The following MLF1 variants were observed in gnomAD, a reference collection of about 807,000 sequenced individuals.
MLF1 encodes the protein myeloid leukemia factor 1.
MLF1 carries 37 observed loss-of-function variants against 38.3 expected under a neutral mutation model. That is an observed-to-expected ratio of 0.96 (90% CI 0.74 to 1.27). The LOEUF is 1.27. Ranked by LOEUF, MLF1 falls within the 50% of genes most tolerant of loss-of-function variation. MLF1 has a pLI of 0.00. For missense variants in MLF1, 331 were observed against 349.2 expected, an observed-to-expected ratio of 0.95 and a Z score of 0.42; for synonymous variants, 95 against 106.5, an observed-to-expected ratio of 0.89 and a Z score of 0.66.
chr3:158,599,578 C>T (rs1041728371), intron 5 of MLF1, among the ~76,000 whole-genome samples: 1 of 152,110 alleles, frequency 6.6e-6, no homozygotes, highest in African/African-American at 2.4e-5. Context: ...ATGTTAGTTG[C>T]TATCAGAAAT....
chr3:158,583,177 G>A (rs1487000724), intron 1 of MLF1, among the ~76,000 whole-genome samples: 4 of 152,008 alleles, frequency 2.6e-5, no homozygotes, highest in African/African-American at 7.2e-5. Context: ...TGTATATGAC[G>A]GGAAGAATTT....
chr3:158,597,898 T>G (rs1719125978), intron 4 of MLF1, among the ~76,000 whole-genome samples, 182 bp from the exon 5 acceptor site: 1 of 152,160 alleles, frequency 6.6e-6, no homozygotes, highest in Admixed American at 6.5e-5. Flanking sequence ...TGACTTTTTT[T>G]GGGCGGAGGT....
chr3:158,574,691 A>T (rs1343977739), intron 1 of MLF1, among the ~76,000 whole-genome samples: 3 of 151,496 alleles, frequency 2.0e-5, no homozygotes, highest in Non-Finnish European at 4.4e-5. Context: ...TCTCAAAAAA[A>T]AAAAAAAAAA....
At chr3:158,593,807 A>G (rs1317750551) in intron 3 of MLF1, among the ~76,000 whole-genome samples, 3 of 104,392 alleles carry the variant, frequency 2.9e-5, no homozygotes, top group Non-Finnish European at 6.0e-5. Flanking sequence ...CAACGTTTGG[A>G]AAAGCACAGA....
intron 1 of MLF1, chr3:158,590,686 A>C: frequency 2.4e-6 from 1 of 416,918 alleles, no homozygotes; most frequent in Non-Finnish European, 4.7e-6. Flanking sequence ...AGAAGACCAA[A>C]CTATAATGAC....
At chr3:158,590,484 G>A (rs192338263) in intron 1 of MLF1, among the ~76,000 whole-genome samples, 68 of 152,240 alleles carry the variant, frequency 4.5e-4, no homozygotes, top group African/African-American at 1.5e-3. Context: ...ATTCATAGTA[G>A]CTTTATTCAT....
chr3:158,603,134 T>C (rs2248924), intron 7 of MLF1, among the ~76,000 whole-genome samples, 195 bp downstream of exon 7: 50,252 of 152,122 alleles, frequency 0.33, 8,863 homozygotes, highest in East Asian at 0.66. Context: ...AAATCAATAA[T>C]AGTTTAGGAT....
rs773373270 is a variant in MLF1, at chr3:158,600,092, C to A, written c.532C>A (p.Arg178=). The A allele has an allele frequency of 2.7e-6, 4 of 1,485,270 alleles. No homozygotes were observed. The highest frequency in any genetic ancestry group is 2.6e-5 in the East Asian group (1 of 38,936). The allele number at this position is 1,485,270 out of a possible 1,614,324, so 92.0% of individuals were successfully genotyped here. ...GGCTATTGGTCATCATATCCATGACCGAGCTCATGTCATTAAAAAGTCAAA... is the reference window on the plus strand; with the variant it reads ...GGCTATTGGTCATCATATCCATGACAGAGCTCATGTCATTAAAAAGTCAAA... ...KMAIGHHIHD[R]AHVIKKSKNK... The change falls in exon 6 of 8, where the codon CGA becomes AGA. Residue 178 remains arginine (R), a synonymous_variant. Transcript: ENST00000466246.
chr3:158,589,672 A>G (rs1560104212), intron 1 of MLF1, among the ~76,000 whole-genome samples: 1 of 152,180 alleles, frequency 6.6e-6, no homozygotes, highest in Non-Finnish European at 1.5e-5. Context: ...TTAGTTTCCT[A>G]TTGCTTCTAT....
At chr3:158,576,107 A>C (rs1715382708) in intron 1 of MLF1, among the ~76,000 whole-genome samples, 3 of 152,210 alleles carry the variant, frequency 2.0e-5, no homozygotes, top group Admixed American at 2.0e-4. Context: ...ATAACAGTGC[A>C]TCTTAAATGT....
chr3:158,593,726 G>T (rs894266048), intron 3 of MLF1, among the ~76,000 whole-genome samples: 2 of 152,134 alleles, frequency 1.3e-5, no homozygotes, highest in African/African-American at 4.8e-5. Flanking sequence ...TGAAAGTTGG[G>T]GACTTCCACA....
chr3:158,587,801 C>A (rs1717460390), intron 1 of MLF1, among the ~76,000 whole-genome samples: 1 of 152,180 alleles, frequency 6.6e-6, no homozygotes, highest in Admixed American at 6.5e-5. Context: ...GAAATCGAGA[C>A]CATCCTGGCT....
At chr3:158,571,528 G>T in intron 1 of MLF1, 181 bp downstream of exon 1, 1 of 706,184 alleles carries the variant, frequency 1.4e-6, no homozygotes, top group Non-Finnish European at 2.4e-6. Context: ...ATTTAGGGGT[G>T]TGTGAGACAG....
At chr3:158,604,639 T>TG (rs1720259210) in intron 7 of MLF1, among the ~76,000 whole-genome samples, 1 of 152,028 alleles carries the variant, frequency 6.6e-6, no homozygotes, top group African/African-American at 2.4e-5. Context: ...CCTTATTTTC[T>TG]GGTTTTTTTT....
At chr3:158,595,598 G>T (rs1431933978) in intron 3 of MLF1, among the ~76,000 whole-genome samples, 2 of 152,064 alleles carry the variant, frequency 1.3e-5, no homozygotes, top group Admixed American at 6.6e-5. Context: ...CCTGAATTGT[G>T]TTTGCCTCTC....
Position 158,602,870 on chromosome 3 carries a change from A to G in MLF1, c.677A>G (p.His226Arg). Residue 226 changes from histidine to arginine, a missense_variant, in exon 7 of 8, where the codon CAC becomes CGC. His to Arg is a conservative substitution (Grantham distance 29, BLOSUM62 0). Transcript: ENST00000466246. Reference sequence around the variant, plus strand: ...GTTTTGAAGTACAAACCAGGACGACACAATCTAGGAAACACTAGAATGAGA... The same window carrying G: ...GTTTTGAAGTACAAACCAGGACGACGCAATCTAGGAAACACTAGAATGAGA... ...SEVLKYKPGR[H>R]NLGNTRMRSV... 3.1e-6 allele frequency: 5 copies of G among 1,613,912 alleles called. No homozygotes were observed. The highest frequency in any genetic ancestry group is 4.2e-6 in the Non-Finnish European group (5 of 1,179,888).
rs753646882 is a variant in MLF1 at position 158,582,908 on chromosome 3, G to T, written c.48-9526G>T. On this transcript the variant is annotated intron_variant, in intron 1 of 7. Coordinates refer to ENST00000466246, the MANE Select transcript of MLF1 (RefSeq NM_001369783.1). ...ACTCTGATGTACATTAAAAAAGCAA[G>T]AGCATCAGAGAATAAGTTAAGGTAA... is the stretch of plus-strand genomic sequence containing the variant. The T allele has an allele frequency of 7.2e-6, 5 of 690,358 alleles. No homozygotes were observed. The South Asian group carries it at 7.8e-5, about 11-fold the overall frequency. 42.8% of individuals were successfully genotyped at this position (690,358 alleles called of 1,614,324 possible).
chr3:158,586,394 A>G (rs937090454), intron 1 of MLF1, among the ~76,000 whole-genome samples: 1 of 152,152 alleles, frequency 6.6e-6, no homozygotes, highest in African/African-American at 2.4e-5. Flanking sequence ...CAATATTATC[A>G]AAATACTGAG....
At position 158,579,436 on chromosome 3, in the gene MLF1, A is replaced by G. The variant is rs532502048; in HGVS notation, c.47+8089A>G. On this transcript the variant is annotated intron_variant, in intron 1 of 7. Coordinates refer to ENST00000466246, the MANE Select transcript of MLF1 (RefSeq NM_001369783.1). ...TTCCTGAATGGTTCAGACAGTTGCA[A>G]ACACCAGACTATAGGCTCGCTTTTG... 2.6e-5 allele frequency among the ~76,000 whole-genome samples: 4 copies of G among 152,320 alleles called. No homozygotes were observed. The East Asian group carries it at 7.7e-4, about 29-fold the overall frequency.
Sources: allele counts gnomAD v4.1 joint callset (sites outside exome capture counted in the v4.1 genomes callset), GRCh38; gene constraint gnomAD v4.1.1; transcripts MANE v1.5; gene names NCBI Gene and HGNC (gene_info 2026-07-23, HGNC 2026-07-21).